The following DAB1 variants were observed in gnomAD, a reference collection of about 807,000 sequenced individuals.
The protein encoded by DAB1 is DAB adaptor protein 1.
DAB1 carries 15 observed loss-of-function variants against 64.6 expected under a neutral mutation model. The ratio of observed to expected loss-of-function variants is 0.23; its 90% CI spans 0.16 to 0.36. The LOEUF is 0.36. Ranked by LOEUF, DAB1 falls within the 10% of genes least tolerant of loss-of-function variation. The probability of loss-of-function intolerance (pLI) is 1.00; values close to 1 mark genes in which losing one functional copy is unlikely to be tolerated. For synonymous variants in DAB1, 235 were observed against 251.9 expected, an observed-to-expected ratio of 0.93 and a Z score of 0.64; for missense variants, 596 against 706.7, an observed-to-expected ratio of 0.84 and a Z score of 1.78.
chr1:57,099,109 T>G (rs1352386233), intron 4 of DAB1, among the ~76,000 whole-genome samples: 5 of 152,180 alleles, frequency 3.3e-5, no homozygotes, highest in Non-Finnish European at 7.3e-5. Flanking sequence ...GGTTCCACCA[T>G]TTACTCAATC....
At chr1:58,023,139 T>C (rs781534175) in intron 5 of DAB1, among the ~76,000 whole-genome samples, 4 of 152,160 alleles carry the variant, frequency 2.6e-5, no homozygotes, top group Admixed American at 2.0e-4. Flanking sequence ...TGCTCATTTA[T>C]CGTGCTCTAA....
chr1:57,941,811 G>T (rs183012127), intron 5 of DAB1, among the ~76,000 whole-genome samples: 1 of 152,198 alleles, frequency 6.6e-6, no homozygotes. Context: ...CTCCAGCCTG[G>T]GCGACAGAGT....
At chr1:58,423,703 A>G (rs183449228) in intron 3 of DAB1, among the ~76,000 whole-genome samples, 41 of 152,320 alleles carry the variant, frequency 2.7e-4, no homozygotes, top group African/African-American at 7.9e-4. Context: ...GCATCCTTCT[A>G]TGGCTACAGC....
intron 5 of DAB1, among the ~76,000 whole-genome samples, chr1:57,949,487 CT>C (rs1645235496): frequency 6.6e-6 from 1 of 150,546 alleles, no homozygotes; most frequent in Admixed American, 6.6e-5. Flanking sequence ...ATCTATCTAT[CT>C]ATCTATCTAT....
At chr1:58,450,975 G>A (rs860285) in intron 3 of DAB1, among the ~76,000 whole-genome samples, 65,644 of 152,026 alleles carry the variant, frequency 0.43, 14,882 homozygotes, top group East Asian at 0.74. Flanking sequence ...ATACCTGACC[G>A]GTACTCACCA....
At chr1:58,020,817 A>G (rs1393974732) in intron 5 of DAB1, among the ~76,000 whole-genome samples, 5 of 152,144 alleles carry the variant, frequency 3.3e-5, no homozygotes, top group Admixed American at 6.5e-5. Flanking sequence ...AGCCTGGCCA[A>G]TGTAGTGAAA....
At chr1:58,182,851 G>A (rs1656872846) in intron 4 of DAB1, among the ~76,000 whole-genome samples, 1 of 151,750 alleles carries the variant, frequency 6.6e-6, no homozygotes. Context: ...ATATTTTCCT[G>A]CTTCTTTGCA....
chr1:57,084,017 T>C (rs879691205), intron 4 of DAB1, among the ~76,000 whole-genome samples: 1 of 152,214 alleles, frequency 6.6e-6, no homozygotes, highest in Non-Finnish European at 1.5e-5. Flanking sequence ...GCTCTCCAGC[T>C]CAAATATTCT....
intron 6 of DAB1, among the ~76,000 whole-genome samples, chr1:57,785,852 G>A (rs1223517091): frequency 6.6e-6 from 1 of 152,160 alleles, no homozygotes. Context: ...GGGTTTGAGA[G>A]GATCTCTCCA....
intron 7 of DAB1, among the ~76,000 whole-genome samples, chr1:57,598,351 G>T (rs537100907): frequency 6.6e-6 from 1 of 152,214 alleles, no homozygotes; most frequent in Non-Finnish European, 1.5e-5. Flanking sequence ...TCCTGACTCC[G>T]TTACTCCTTT....
chr1:58,244,216 A>G (rs928782835), intron 4 of DAB1, among the ~76,000 whole-genome samples: 1 of 152,198 alleles, frequency 6.6e-6, no homozygotes, highest in African/African-American at 2.4e-5. Flanking sequence ...AGTATAAGGT[A>G]GACAGTTAAA....
At chr1:57,259,928 G>T (rs1026990991) in intron 2 of DAB1, among the ~76,000 whole-genome samples, 1 of 152,186 alleles carries the variant, frequency 6.6e-6, no homozygotes, top group African/African-American at 2.4e-5. Flanking sequence ...CTGAGGAAGA[G>T]AGATTTTTTA....
intron 7 of DAB1, among the ~76,000 whole-genome samples, chr1:57,604,159 A>G (rs1645607566): frequency 6.6e-6 from 1 of 152,230 alleles, no homozygotes; most frequent in African/African-American, 2.4e-5. Context: ...CACAAATGCC[A>G]GTGAGAAGGC....
chr1:58,047,332 T>C (rs1647302142), intron 5 of DAB1, among the ~76,000 whole-genome samples: 2 of 152,246 alleles, frequency 1.3e-5, no homozygotes, highest in South Asian at 4.1e-4. Context: ...ACTGTTATCA[T>C]TTCAACAAGT....
chr1:57,717,713 TATAA>T (rs1184685616), intron 6 of DAB1, among the ~76,000 whole-genome samples: 4 of 152,100 alleles, frequency 2.6e-5, no homozygotes, highest in African/African-American at 4.8e-5. Context: ...TGTGACTATA[TATAA>T]ATATACATAT....
chr1:57,170,808 C>T (rs1661676547), intron 2 of DAB1, among the ~76,000 whole-genome samples: 1 of 152,104 alleles, frequency 6.6e-6, no homozygotes, highest in Non-Finnish European at 1.5e-5. Flanking sequence ...TTGGAGGGGT[C>T]AGGGGTTGGC....
In DAB1 at chr1:58,518,292, A is replaced by G. The variant is rs1399814016; in HGVS notation, n.107+8969T>C. Among the ~76,000 whole-genome samples the G allele has an allele frequency of 3.1e-3, 132 of 42,782 alleles. 25 individuals carry two copies. The highest frequency in any genetic ancestry group is 6.5e-3 in the African/African-American group (43 of 6,578). The allele number at this position is 42,782 out of a possible 152,430, so 28.1% of individuals were successfully genotyped here. A position where few individuals can be genotyped will look rare whatever the true frequency, so the allele number is the denominator to read the frequency against. On this transcript the variant is annotated intron_variant and non_coding_transcript_variant, in intron 2 of 20. Transcript: ENST00000485760. The stretch of plus-strand genomic sequence containing the variant: ...AGAGAGGAGAGGAGAAGAGAAGAGA[A>G]GAGAAGAGAAGAGAAGAGAAGAGAA...
Position 57,058,000 on chromosome 1 carries a change from A to T in DAB1, c.723+4884T>A, listed in dbSNP as rs1398845082. 3.9e-5 allele frequency among the ~76,000 whole-genome samples: 6 copies of T among 152,182 alleles called. No homozygotes were observed. The East Asian group carries it at 1.2e-3, about 29-fold the overall frequency. On this transcript the variant is annotated intron_variant, in intron 9 of 14. Transcript: ENST00000371236. Reference sequence around the variant, plus strand: ...AATTAAAGAGTTTTAATGACTTTAAACACTTTCCACAGGGCCCCAGGAGGA... The same window carrying T: ...AATTAAAGAGTTTTAATGACTTTAATCACTTTCCACAGGGCCCCAGGAGGA...
At chr1:57,507,375 C>T (rs2101337012) in intron 7 of DAB1, among the ~76,000 whole-genome samples, 1 of 152,266 alleles carries the variant, frequency 6.6e-6, no homozygotes. Context: ...AAGGTTATTC[C>T]AGGGAGTCCG....
Sources: allele counts gnomAD v4.1 joint callset (sites outside exome capture counted in the v4.1 genomes callset), GRCh38; gene constraint gnomAD v4.1.1; transcripts MANE v1.5; gene names NCBI Gene and HGNC (gene_info 2026-07-23, HGNC 2026-07-21).